The following BIK variants were observed in gnomAD, a reference collection of about 807,000 sequenced individuals.
The protein encoded by BIK is BCL2 interacting killer.
A neutral mutation model predicts 12.1 loss-of-function variants in BIK; 14 were observed. That is an observed-to-expected ratio of 1.16 (90% CI 0.77 to 1.81). The LOEUF (loss-of-function observed/expected upper bound fraction) is 1.81. BIK is among the 40% of genes most tolerant of loss of function. The pLI is 0.00. For synonymous variants in BIK, 86 were observed against 92.3 expected, an observed-to-expected ratio of 0.93 and a Z score of 0.39; for missense variants, 215 against 207.9, an observed-to-expected ratio of 1.03 and a Z score of -0.21.
intron 1 of BIK, among the ~76,000 whole-genome samples, chr22:43,114,766 G>T (rs546841923): frequency 2.0e-5 from 3 of 152,222 alleles, no homozygotes; most frequent in African/African-American, 7.2e-5. Flanking sequence ...TGGTCAGCAC[G>T]GGTGTGCGCC....
intron 1 of BIK, among the ~76,000 whole-genome samples, chr22:43,122,098 C>T (rs1930231125): frequency 2.0e-5 from 3 of 152,230 alleles, no homozygotes; most frequent in South Asian, 4.1e-4. Flanking sequence ...TGTGGGAGGG[C>T]GGCGCTGTGG....
At chr22:43,123,515 G>A (rs1476845972) in intron 1 of BIK, among the ~76,000 whole-genome samples, 6 of 152,196 alleles carry the variant, frequency 3.9e-5, no homozygotes, top group Admixed American at 3.9e-4. Context: ...TTGGGAGGCC[G>A]AGGTGGGGTG....
chr22:43,112,216 G>T (rs5751433), intron 1 of BIK, among the ~76,000 whole-genome samples: 74,364 of 151,366 alleles, frequency 0.49, 19,184 homozygotes, highest in East Asian at 0.94. Flanking sequence ...GTTTTTTTTT[G>T]AAACAGAGCT....
intron 2 of BIK, among the ~76,000 whole-genome samples, chr22:43,126,165 C>T (rs1433292784): frequency 3.3e-5 from 5 of 151,336 alleles, no homozygotes; most frequent in Admixed American, 3.3e-4. Flanking sequence ...GCTGGGAGTG[C>T]AGGCGTGCAC....
rs780270926 is a variant in BIK at position 43,124,029 on chromosome 22, GAAGT to G, written c.11_14del (p.Val4AspfsTer8). 1 of 1,614,168 alleles carries G rather than the reference GAAGT, an allele frequency of 6.2e-7. No individual in the cohort carries two copies. The highest frequency in any genetic ancestry group is 8.5e-7 in the Non-Finnish European group (1 of 1,180,010). ...TTTTTGCCCCAGAGGAGAAATGTCT[GAAGT>G]AAGACCCCTCTCCAGAGACATCTTG... On this transcript the variant is annotated frameshift_variant, in exon 2 of 5. Coordinates refer to ENST00000216115, the MANE Select transcript of BIK (RefSeq NM_001197.5). LOFTEE classifies it high-confidence loss of function.
intron 1 of BIK, among the ~76,000 whole-genome samples, chr22:43,115,819 C>T (rs5759173): frequency 0.37 from 56,106 of 151,520 alleles, 11,598 homozygotes; most frequent in African/African-American, 0.57. Flanking sequence ...TGCGGTGGCA[C>T]GATCTTGGCT....
chr22:43,129,488 G>A lies in BIK; in HGVS notation c.*183G>A. 1 of 1,074,614 alleles carries A rather than the reference G, an allele frequency of 9.3e-7. No homozygotes were observed. The highest frequency in any genetic ancestry group is 1.8e-5 in the South Asian group (1 of 56,868). 66.6% of individuals were successfully genotyped at this position (1,074,614 alleles called of 1,614,324 possible). On this transcript the variant is annotated 3_prime_UTR_variant, in exon 5 of 5. Coordinates refer to ENST00000216115, the MANE Select transcript of BIK (RefSeq NM_001197.5). ...GGTTTTTTGTTTTTTTTTTATTCCA[G>A]TTTTCGTTTTTTCTAAAAGATGAAT...
rs116522761 is a variant in BIK at position 43,112,795 on chromosome 22, C to T, written c.-8+1992C>T. On this transcript the variant is annotated intron_variant, in intron 1 of 4. Coordinates refer to ENST00000216115, the MANE Select transcript of BIK (RefSeq NM_001197.5). Reference sequence around the variant, plus strand: ...TGGCATGTGCCTCTGGTCCTAGCTACGCAGGAGGCTGAGTTCAGAGGCCTA... The same window carrying T: ...TGGCATGTGCCTCTGGTCCTAGCTATGCAGGAGGCTGAGTTCAGAGGCCTA... Among the ~76,000 whole-genome samples the T allele has an allele frequency of 6.6e-5, 10 of 152,152 alleles. No individual in the cohort carries two copies. The South Asian group carries it at 8.3e-4, about 13-fold the overall frequency.
chr22:43,121,431 G>T (rs1930217531), intron 1 of BIK, among the ~76,000 whole-genome samples: 1 of 152,302 alleles, frequency 6.6e-6, no homozygotes, highest in Middle Eastern at 3.4e-3. Flanking sequence ...GCCCACTCTG[G>T]TGGCTGGGGC....
Position 43,124,199 on chromosome 22 carries a change from C to A in BIK, c.161+16C>A. The A allele has an allele frequency of 1.2e-6, 2 of 1,612,750 alleles. No homozygotes were observed. Among genetic ancestry groups the A allele is most frequent in the Non-Finnish European group, 1.7e-6 (2 of 1,179,314 alleles). ...TGGAGGGCAGGTAGGTCCCCATGGC[C>A]TGCCCTACCCCCTGCCTGATAGTGA... On this transcript the variant is annotated intron_variant, in intron 2 of 4. Coordinates refer to ENST00000216115, the MANE Select transcript of BIK (RefSeq NM_001197.5).
At chr22:43,115,606 G>A (rs1279136845) in intron 1 of BIK, among the ~76,000 whole-genome samples, 1 of 152,078 alleles carries the variant, frequency 6.6e-6, no homozygotes, top group Admixed American at 6.6e-5. Context: ...GGGATTACAG[G>A]CGTGCGCCAC....
intron 3 of BIK, among the ~76,000 whole-genome samples, 181 bp from the exon 4 acceptor site, chr22:43,128,311 CACAA>C (rs1443290842): frequency 2.0e-5 from 3 of 152,174 alleles, no homozygotes; most frequent in African/African-American, 7.2e-5. Context: ...TGAATTTGAC[CACAA>C]ACAGTCCATA....
In BIK at chr22:43,129,541, T is replaced by G; in HGVS notation, c.*236T>G. 3.1e-4 allele frequency: 188 copies of G among 609,412 alleles called. No homozygotes were observed. The highest frequency in any genetic ancestry group is 4.6e-4 in the Middle Eastern group (1 of 2,160). The allele number at this position is 609,412 out of a possible 1,614,324, so 37.8% of individuals were successfully genotyped here. A position where few individuals can be genotyped will look rare whatever the true frequency, so the allele number is the denominator to read the frequency against. The stretch of plus-strand genomic sequence containing the variant: ...CTATGGCTCTGCAATTGTCACCGGT[T>G]AACTGTGGCCTGTGCCCAGGAAGAG... On this transcript the variant is annotated 3_prime_UTR_variant, in exon 5 of 5. Transcript: ENST00000216115.
intron 1 of BIK, among the ~76,000 whole-genome samples, chr22:43,112,107 C>T (rs1204417056): frequency 6.6e-6 from 1 of 152,196 alleles, no homozygotes; most frequent in Non-Finnish European, 1.5e-5. Flanking sequence ...TAGTAGCCTC[C>T]CTGGAGTTAA....
At position 43,123,792 on chromosome 22, in the gene BIK, C is replaced by G. The variant is rs373237207; in HGVS notation, c.-7-224C>G. Among the ~76,000 whole-genome samples, 17 of 152,272 alleles carry G rather than the reference C, an allele frequency of 1.1e-4. 1 individual carries two copies. The highest frequency in any genetic ancestry group is 4.1e-4 in the African/African-American group (17 of 41,556). Reference sequence around the variant, plus strand: ...GGCCCTTATGAATCATCTTCAAGTTCCTCCCTTCCAAGAACAGAGATGCTA... The same window carrying G: ...GGCCCTTATGAATCATCTTCAAGTTGCTCCCTTCCAAGAACAGAGATGCTA... On this transcript the variant is annotated intron_variant, in intron 1 of 4. Coordinates refer to ENST00000216115, the MANE Select transcript of BIK (RefSeq NM_001197.5).
At chr22:43,127,832 A>T in intron 3 of BIK, 37 bp downstream of exon 3, 2 of 1,528,852 alleles carry the variant, frequency 1.3e-6, no homozygotes, top group Non-Finnish European at 1.8e-6. Context: ...ACACCTGGGG[A>T]GGGGCCCTGG....
At chr22:43,115,693 C>T (rs566164120) in intron 1 of BIK, among the ~76,000 whole-genome samples, 5 of 151,932 alleles carry the variant, frequency 3.3e-5, no homozygotes, top group Non-Finnish European at 7.4e-5. Context: ...GAACTCCTGA[C>T]CTCAGTTGAT....
chr22:43,117,773 C>T (rs1444836087), intron 1 of BIK, among the ~76,000 whole-genome samples: 3 of 151,410 alleles, frequency 2.0e-5, no homozygotes, highest in Non-Finnish European at 4.4e-5. Context: ...CAGGTTCAAG[C>T]GATTCTCCTG....
chr22:43,126,466 C>T (rs891343483), intron 2 of BIK, among the ~76,000 whole-genome samples: 2 of 152,052 alleles, frequency 1.3e-5, no homozygotes, highest in Non-Finnish European at 1.5e-5. Flanking sequence ...GGATTACAGG[C>T]GTGAGCCACC....
Sources: allele counts gnomAD v4.1 joint callset (sites outside exome capture counted in the v4.1 genomes callset), GRCh38; gene constraint gnomAD v4.1.1; transcripts MANE v1.5; gene names NCBI Gene and HGNC (gene_info 2026-07-23, HGNC 2026-07-21).